TAFA5: variants seen among roughly 807,000 people sequenced by gnomAD.
The protein encoded by TAFA5 is chemokine-like protein TAFA-5.
In TAFA5, 6 loss-of-function variants were observed where a neutral mutation model predicts 15.3. That is an observed-to-expected ratio of 0.39 (90% CI 0.21 to 0.77). The LOEUF is 0.77. TAFA5 is among the 30% of genes least tolerant of loss of function. The pLI, the probability that TAFA5 is intolerant of heterozygous loss-of-function variation, is 0.41. For synonymous variants in TAFA5, 103 were observed against 80.7 expected, an observed-to-expected ratio of 1.28 and a Z score of -1.48; for missense variants, 161 against 193.1, an observed-to-expected ratio of 0.83 and a Z score of 0.98.
At chr22:48,734,035 T>C (rs1479039976) in intron 3 of TAFA5, among the ~76,000 whole-genome samples, 4 of 152,120 alleles carry the variant, frequency 2.6e-5, no homozygotes, top group African/African-American at 9.7e-5. Flanking sequence ...ACTCTGCATA[T>C]GCAAAAAAGG....
chr22:48,717,588 C>T (rs534656426), intron 3 of TAFA5, among the ~76,000 whole-genome samples: 31 of 152,342 alleles, frequency 2.0e-4, no homozygotes, highest in Middle Eastern at 3.4e-3. Context: ...AGCGTGGGAA[C>T]GTTGGAGAGC....
chr22:48,549,306 C>T (rs1411872677), intron 1 of TAFA5, among the ~76,000 whole-genome samples: 1 of 152,188 alleles, frequency 6.6e-6, no homozygotes, highest in East Asian at 1.9e-4. Flanking sequence ...GTTTGAATTA[C>T]CTGGACCATC....
intron 2 of TAFA5, among the ~76,000 whole-genome samples, chr22:48,652,480 G>A (rs1002714658): frequency 3.9e-5 from 6 of 152,308 alleles, no homozygotes; most frequent in Middle Eastern, 3.4e-3. Flanking sequence ...ACAGGAGACC[G>A]CCTGCTGGCA....
At chr22:48,690,611 A>G (rs1313230334) in intron 2 of TAFA5, among the ~76,000 whole-genome samples, 1 of 152,048 alleles carries the variant, frequency 6.6e-6, no homozygotes, top group African/African-American at 2.4e-5. Flanking sequence ...TTTGTGGGCA[A>G]TTCACCCTTT....
chr22:48,703,498 C>G (rs2147248063), intron 2 of TAFA5, among the ~76,000 whole-genome samples: 1 of 152,326 alleles, frequency 6.6e-6, no homozygotes, highest in East Asian at 1.9e-4. Context: ...CCAGATCCCT[C>G]CCCCATCCTC....
At chr22:48,662,294 G>C (rs1457704179) in intron 2 of TAFA5, among the ~76,000 whole-genome samples, 3 of 152,130 alleles carry the variant, frequency 2.0e-5, no homozygotes, top group Admixed American at 6.5e-5. Context: ...GCAGGCCAGA[G>C]GACATGGTTG....
At chr22:48,547,739 C>T (rs906613377) in intron 1 of TAFA5, among the ~76,000 whole-genome samples, 2 of 152,148 alleles carry the variant, frequency 1.3e-5, no homozygotes, top group African/African-American at 4.8e-5. Flanking sequence ...TAGGAATGTC[C>T]ATCTCTGGCC....
chr22:48,682,335 AC>A (rs1928217948), intron 2 of TAFA5, among the ~76,000 whole-genome samples: 1 of 151,978 alleles, frequency 6.6e-6, no homozygotes, highest in Non-Finnish European at 1.5e-5. Context: ...AGACCCCCAC[AC>A]CCAAGGGGCT....
intron 1 of TAFA5, among the ~76,000 whole-genome samples, chr22:48,597,951 C>T (rs1924830324): frequency 6.6e-6 from 1 of 152,198 alleles, no homozygotes; most frequent in Non-Finnish European, 1.5e-5. Flanking sequence ...GGAGTCCCGG[C>T]CCTCCATGGT....
At chr22:48,620,613 C>T (rs1187351563) in intron 1 of TAFA5, among the ~76,000 whole-genome samples, 1 of 143,568 alleles carries the variant, frequency 7.0e-6, no homozygotes, top group Non-Finnish European at 1.6e-5. Flanking sequence ...CCATCCTATC[C>T]ACCCACCCAC....
At chr22:48,647,410 G>C (rs1407743286) in intron 2 of TAFA5, among the ~76,000 whole-genome samples, 3 of 152,130 alleles carry the variant, frequency 2.0e-5, no homozygotes, top group African/African-American at 7.2e-5. Flanking sequence ...GGCGTCTGGT[G>C]GGAGCCTGTC....
At chr22:48,664,588 T>TGATCTCACCCCTCCTGGCCC (rs1190478783) in intron 2 of TAFA5, among the ~76,000 whole-genome samples, 6 of 152,178 alleles carry the variant, frequency 3.9e-5, no homozygotes, top group Non-Finnish European at 5.9e-5. Context: ...GTGCAAACCT[T>TGATCTCACCCCTCCTGGCCC]GATCTCACCC....
intron 2 of TAFA5, among the ~76,000 whole-genome samples, chr22:48,706,698 T>G (rs1409253356): frequency 2.0e-5 from 3 of 152,322 alleles, no homozygotes; most frequent in Non-Finnish European, 4.4e-5. Flanking sequence ...AATGCCTACG[T>G]TTTTCAACTG....
At chr22:48,707,131 C>T (rs1359362300) in intron 2 of TAFA5, among the ~76,000 whole-genome samples, 3 of 150,940 alleles carry the variant, frequency 2.0e-5, no homozygotes, top group African/African-American at 4.9e-5. Context: ...GGTGCTGGGC[C>T]GGCCCCAGGG....
Position 48,742,762 on chromosome 22 carries a change from G to A in TAFA5, c.391-7077G>A, listed in dbSNP as rs1930218806. On this transcript the variant is annotated intron_variant, in intron 3 of 3. Coordinates refer to ENST00000402357, the MANE Select transcript of TAFA5 (RefSeq NM_001082967.3). This position sits in a 1 kb window ranked among gnomAD's most constrained non-coding sequence, Gnocchi z 6.2. ...GTGGAGCAGGCATTATGGTGGACTG[G>A]GCAGCATGGTGTATTAGAAGAGGAG... Among the ~76,000 whole-genome samples, 1 of 152,178 alleles carries A rather than the reference G, an allele frequency of 6.6e-6. No individual in the cohort carries two copies. Among genetic ancestry groups the A allele is most frequent in the African/African-American group, 2.4e-5 (1 of 41,442 alleles).
At chr22:48,651,514 A>G (rs1927052719) in intron 2 of TAFA5, among the ~76,000 whole-genome samples, 2 of 151,944 alleles carry the variant, frequency 1.3e-5, no homozygotes, top group Admixed American at 1.3e-4. Flanking sequence ...GAAAACAGGC[A>G]GGTGGGCACT....
At chr22:48,584,900 T>TCACACACACACACCACACACA (rs1555889927) in intron 1 of TAFA5, among the ~76,000 whole-genome samples, 10 of 118,988 alleles carry the variant, frequency 8.4e-5, no homozygotes, top group Admixed American at 2.5e-4. Context: ...AAAATACATC[T>TCACACACACACACCACACACA]CACACACACA....
At chr22:48,542,480 GGTGTGTGTGTGGT>G (rs1922458493) in intron 1 of TAFA5, among the ~76,000 whole-genome samples, 2 of 98,916 alleles carry the variant, frequency 2.0e-5, no homozygotes, top group Admixed American at 1.2e-4. Context: ...ATGTGTGTGT[GGTGTGTGTGTGGT>G]GTGTGTGCGT....
At chr22:48,596,530 G>T (rs749008179) in intron 1 of TAFA5, among the ~76,000 whole-genome samples, 1 of 152,168 alleles carries the variant, frequency 6.6e-6, no homozygotes, top group Non-Finnish European at 1.5e-5. Context: ...AAATGGAGCA[G>T]ATGGCAGTTT....
Sources: gnomAD v4.1 joint callset for allele counts (sites outside exome capture counted in the v4.1 genomes callset) on GRCh38, gnomAD v4.1.1 for gene constraint, Gnocchi (gnomAD v3.1) non-coding constraint, MANE v1.5 for transcripts, NCBI Gene and HGNC (gene_info 2026-07-23, HGNC 2026-07-21) for gene names.